GABRA6: variants seen among roughly 807,000 people sequenced by gnomAD.
GABRA6 encodes the protein gamma-aminobutyric acid receptor subunit alpha-6.
Under a neutral mutation model 47.3 loss-of-function variants are expected in GABRA6, and 45 were observed. That is an observed-to-expected ratio of 0.95 (90% CI 0.75 to 1.22). The LOEUF is 1.22. GABRA6 is among the 50% of genes most tolerant of loss of function. The pLI, the probability that GABRA6 is intolerant of heterozygous loss-of-function variation, is 0.00. For missense variants in GABRA6, 583 were observed against 549.3 expected, an observed-to-expected ratio of 1.06 and a Z score of -0.61; for synonymous variants, 219 against 194.7, an observed-to-expected ratio of 1.12 and a Z score of -1.04.
chr5:161,698,967 C>T (rs915510412), intron 8 of GABRA6, among the ~76,000 whole-genome samples: 72 of 152,062 alleles, frequency 4.7e-4, no homozygotes, highest in Admixed American at 1.6e-3. Flanking sequence ...TTCTGACTTC[C>T]GGACCATAAT....
At chr5:161,692,930 T>C (rs1263190265) in intron 8 of GABRA6, among the ~76,000 whole-genome samples, 2 of 152,312 alleles carry the variant, frequency 1.3e-5, no homozygotes, top group East Asian at 3.9e-4. Context: ...TTGCATAAAA[T>C]TAAATTATAA....
At chr5:161,687,541 A>G (rs1056371976) in intron 3 of GABRA6, 2 of 456,116 alleles carry the variant, frequency 4.4e-6, no homozygotes, top group Middle Eastern at 3.3e-4. Context: ...TGGCTGTAGC[A>G]TTCATAAGAG....
Position 161,701,794 on chromosome 5 carries a change from A to G in GABRA6, c.*21A>G. ...AATAGCTTGCGGCCAGGACAACCTG[A>G]ATTCTATAAGTTCTTGTTTTCTGTT... On this transcript the variant is annotated 3_prime_UTR_variant, in exon 9 of 9. Transcript: ENST00000274545. The G allele has an allele frequency of 2.5e-6, 4 of 1,612,894 alleles. No individual in the cohort carries two copies. The highest frequency in any genetic ancestry group is 3.4e-6 in the Non-Finnish European group (4 of 1,178,870).
intron 8 of GABRA6, among the ~76,000 whole-genome samples, chr5:161,695,407 C>T (rs926934834): frequency 1.3e-5 from 2 of 151,330 alleles, no homozygotes; most frequent in East Asian, 1.9e-4. Flanking sequence ...GTGTTTTTCC[C>T]GCTTATATGG....
chr5:161,701,477 A>C (rs775160258), intron 8 of GABRA6, 21 bp from the exon 9 acceptor site: 5 of 1,613,290 alleles, frequency 3.1e-6, no homozygotes, highest in Non-Finnish European at 3.4e-6. Flanking sequence ...TTTGGGCTTA[A>C]TATTTGTCTT....
chr5:161,691,508 GATAGA>G (rs1304568048), intron 7 of GABRA6, among the ~76,000 whole-genome samples: 4 of 151,422 alleles, frequency 2.6e-5, no homozygotes, highest in Admixed American at 2.0e-4. Flanking sequence ...TGTTAGCCAG[GATAGA>G]ATGGTCTCGA....
At chr5:161,692,463 T>C (rs1213891081) in intron 8 of GABRA6, among the ~76,000 whole-genome samples, 1 of 152,200 alleles carries the variant, frequency 6.6e-6, no homozygotes, top group East Asian at 1.9e-4. Context: ...CAGAGGAGAC[T>C]AGAAAATTCT....
intron 8 of GABRA6, among the ~76,000 whole-genome samples, chr5:161,697,139 A>G (rs1045449338): frequency 1.2e-4 from 19 of 152,372 alleles, no homozygotes; most frequent in Admixed American, 3.9e-4. Context: ...TACCTAAAGC[A>G]GGATGGCACT....
intron 2 of GABRA6, among the ~76,000 whole-genome samples, 168 bp downstream of exon 2, chr5:161,686,516 C>G (rs983597814): frequency 6.6e-6 from 1 of 152,120 alleles, no homozygotes; most frequent in Non-Finnish European, 1.5e-5. Flanking sequence ...CCATTAGTAG[C>G]CTTGTTCAAG....
intron 8 of GABRA6, among the ~76,000 whole-genome samples, chr5:161,693,971 G>A (rs1754846395): frequency 6.6e-6 from 1 of 152,072 alleles, no homozygotes; most frequent in Non-Finnish European, 1.5e-5. Context: ...AAGTAGTTGA[G>A]TCCCAAAATT....
At chr5:161,687,343 C>A in intron 3 of GABRA6, 1 of 386,850 alleles carries the variant, frequency 2.6e-6, no homozygotes, top group Non-Finnish European at 5.0e-6. Flanking sequence ...ACACACAGAT[C>A]TTATTCCATA....
At position 161,701,993 on chromosome 5, in the gene GABRA6, T is replaced by C. The variant is rs1754991161; in HGVS notation, c.*220T>C. The C allele has an allele frequency of 3.5e-6, 2 of 565,638 alleles. No homozygotes were observed. The highest frequency in any genetic ancestry group is 3.1e-6 in the Non-Finnish European group (1 of 319,658). 35.0% of individuals were successfully genotyped at this position (565,638 alleles called of 1,614,324 possible). A position where few individuals can be genotyped will look rare whatever the true frequency, so the allele number is the denominator to read the frequency against. On this transcript the variant is annotated 3_prime_UTR_variant, in exon 9 of 9. Transcript: ENST00000274545. ...TGCTGAAAAATATGACTTTTCTGTA[T>C]GTTAGAGAAAAACTTTATGAGGATG...
intron 7 of GABRA6, among the ~76,000 whole-genome samples, chr5:161,691,036 A>G (rs1413892742): frequency 6.6e-6 from 1 of 152,024 alleles, no homozygotes; most frequent in Non-Finnish European, 1.5e-5. Flanking sequence ...AATGATGTTG[A>G]CCATCAATAT....
At position 161,688,830 on chromosome 5, in the gene GABRA6, T is replaced by A. The variant is rs1754742084; in HGVS notation, c.226-119T>A. 35 of 795,848 alleles carry A rather than the reference T, an allele frequency of 4.4e-5. No homozygotes were observed. The South Asian group carries it at 5.0e-4, about 11-fold the overall frequency. The allele number at this position is 795,848 out of a possible 1,614,324, so 49.3% of individuals were successfully genotyped here. On this transcript the variant is annotated intron_variant, in intron 3 of 8. Coordinates refer to ENST00000274545, the MANE Select transcript of GABRA6 (RefSeq NM_000811.3). The stretch of plus-strand genomic sequence containing the variant: ...CTAAAATTATAGCTTTGTGAGAAAT[T>A]ATTGCGATAAAAAGTTGCTTTATTG...
intron 8 of GABRA6, among the ~76,000 whole-genome samples, chr5:161,695,285 A>G (rs573040306): frequency 5.7e-4 from 87 of 152,308 alleles, no homozygotes; most frequent in Non-Finnish European, 1.1e-3. Context: ...AGGCACCTTA[A>G]AGCTAAATCT....
At position 161,691,986 on chromosome 5, in the gene GABRA6, G is replaced by C. The variant is rs754897029; in HGVS notation, c.872G>C (p.Arg291Pro). 2 of 1,613,938 alleles carry C rather than the reference G, an allele frequency of 1.2e-6. No individual in the cohort carries two copies. The highest frequency in any genetic ancestry group is 1.7e-6 in the Non-Finnish European group (2 of 1,179,904). Residue 291 changes from arginine to proline, a missense_variant, in exon 8 of 9, where the codon CGG (arginine) becomes CCG (proline). Coordinates refer to ENST00000274545, the MANE Select transcript of GABRA6 (RefSeq NM_000811.3). ...LTMTTLSISARHSLPKVSYAT... is the reference protein window; with the variant it reads ...LTMTTLSISAPHSLPKVSYAT... Reference sequence around the variant, plus strand: ...ATGACCACTTTGAGCATCAGTGCCCGGCACTCTTTGCCAAAAGTGTCATAT... The same window carrying C: ...ATGACCACTTTGAGCATCAGTGCCCCGCACTCTTTGCCAAAAGTGTCATAT...
intron 1 of GABRA6, 54 bp from the exon 2 acceptor site, chr5:161,686,176 A>G: frequency 6.9e-7 from 1 of 1,458,694 alleles, no homozygotes; most frequent in Non-Finnish European, 9.6e-7. Flanking sequence ...AGTAGATTAG[A>G]CAAAACCTCT....
In GABRA6 at chr5:161,686,301, A is replaced by G. The variant is rs762713704; in HGVS notation, c.110A>G (p.Asp37Gly). The change falls in exon 2 of 9, where the codon GAC becomes GGC. Residue 37 changes from aspartate to glycine, a missense_variant. Asp to Gly is a moderately conservative substitution (Grantham distance 94). Coordinates refer to ENST00000274545, the MANE Select transcript of GABRA6 (RefSeq NM_000811.3). ...FYSENVSRIL[D>G]NLLEGYDNRL... ...TCAGAAAACGTCAGTCGGATCCTGG[A>G]CAACTTGCTTGAAGGCTATGACAAT... The G allele has an allele frequency of 6.2e-7, 1 of 1,614,090 alleles. No homozygotes were observed. Among genetic ancestry groups the G allele is most frequent in the Admixed American group, 1.7e-5 (1 of 60,014 alleles).
chr5:161,688,924 A>C, intron 3 of GABRA6, 25 bp from the exon 4 acceptor site: 1 of 1,580,026 alleles, frequency 6.3e-7, no homozygotes, highest in Non-Finnish European at 8.7e-7. Context: ...TTTCCAGCCC[A>C]CACAAATATT....
Sources: allele counts gnomAD v4.1 joint callset (sites outside exome capture counted in the v4.1 genomes callset), GRCh38; gene constraint gnomAD v4.1.1; transcripts MANE v1.5; gene names NCBI Gene and HGNC (gene_info 2026-07-23, HGNC 2026-07-21).